The following CCDC7 variants were observed in gnomAD, a reference collection of about 807,000 sequenced individuals.
CCDC7 encodes the protein coiled-coil domain-containing protein 7.
Under a neutral mutation model 196.9 loss-of-function variants are expected in CCDC7, and 183 were observed. That is an observed-to-expected ratio of 0.93 (90% CI 0.82 to 1.05). CCDC7 has a LOEUF of 1.05. Among genes scored for constraint, CCDC7 ranks in the 50% least tolerant of loss-of-function variants. CCDC7 has a pLI of 0.00. For synonymous variants in CCDC7, 525 were observed against 484.6 expected (o/e 1.08, Z -1.10); for missense variants, 1,540 against 1,482.2 (o/e 1.04, Z -0.64).
At chr10:32,460,016 TA>T (rs2035287942) in intron 3 of CCDC7, among the ~76,000 whole-genome samples, 1 of 152,142 alleles carries the variant, frequency 6.6e-6, no homozygotes, top group African/African-American at 2.4e-5. Context: ...AGGAAAAAAC[TA>T]ATTTGATATA....
At chr10:32,628,181 T>G (rs1231551715) in intron 18 of CCDC7, among the ~76,000 whole-genome samples, 3 of 152,020 alleles carry the variant, frequency 2.0e-5, no homozygotes, top group African/African-American at 4.8e-5. Flanking sequence ...CTTACTGACT[T>G]AATCTCGTTA....
At chr10:32,491,378 T>C (rs56261239) in intron 8 of CCDC7, among the ~76,000 whole-genome samples, 6,941 of 152,280 alleles carry the variant, frequency 0.046, 217 homozygotes, top group Non-Finnish European at 0.073. Flanking sequence ...GTTCATTGAT[T>C]ATTATGGATC....
At chr10:32,777,513 C>T (rs1024715135) in intron 28 of CCDC7, among the ~76,000 whole-genome samples, 2 of 123,836 alleles carry the variant, frequency 1.6e-5, no homozygotes, top group African/African-American at 5.1e-5. Flanking sequence ...TGTACATGTC[C>T]CCTTTTCTCC....
chr10:32,843,345 G>A (rs1325739239), intron 33 of CCDC7, among the ~76,000 whole-genome samples: 1 of 151,870 alleles, frequency 6.6e-6, no homozygotes, highest in Non-Finnish European at 1.5e-5. Context: ...AAATGTTGAA[G>A]AAGGAATAAT....
At chr10:32,822,425 A>T (rs2090413270) in intron 31 of CCDC7, among the ~76,000 whole-genome samples, 1 of 152,192 alleles carries the variant, frequency 6.6e-6, no homozygotes, top group Non-Finnish European at 1.5e-5. Context: ...ACAGAGCAAG[A>T]ATAAAAATAA....
intron 18 of CCDC7, among the ~76,000 whole-genome samples, chr10:32,591,284 A>AT (rs1195610243): frequency 6.6e-6 from 1 of 151,302 alleles, no homozygotes; most frequent in Non-Finnish European, 1.5e-5. Context: ...AAACTCTCTA[A>AT]TTTTTTCTTC....
At chr10:32,618,893 A>G (rs2063072978) in intron 18 of CCDC7, among the ~76,000 whole-genome samples, 1 of 152,070 alleles carries the variant, frequency 6.6e-6, no homozygotes, top group Non-Finnish European at 1.5e-5. Context: ...TAAGTTCTAT[A>G]GCTTTATGTA....
At chr10:32,854,649 T>C (rs1044820464) in intron 41 of CCDC7, among the ~76,000 whole-genome samples, 160 bp downstream of exon 42, 1 of 152,160 alleles carries the variant, frequency 6.6e-6, no homozygotes, top group African/African-American at 2.4e-5. Context: ...CAAGTAAAAA[T>C]ATATATGTAA....
At position 32,482,426 on chromosome 10, in the gene CCDC7, T is replaced by G. The variant is rs577186252; in HGVS notation, c.796+8403T>G. Among the ~76,000 whole-genome samples the G allele has an allele frequency of 5.3e-5, 8 of 151,944 alleles. No individual in the cohort carries two copies. The South Asian group carries it at 6.2e-4, about 12-fold the overall frequency. ...TTTACAGATTCTTTCTTCTCCTTGA[T>G]GAATTATACAGTGGACATATTTTTT... On this transcript the variant is annotated intron_variant, in intron 8 of 41. Coordinates refer to ENST00000639629, the Ensembl canonical transcript of CCDC7.
intron 8 of CCDC7, among the ~76,000 whole-genome samples, chr10:32,480,485 C>G (rs1330263573): frequency 6.6e-6 from 1 of 152,064 alleles, no homozygotes. Flanking sequence ...CTGTGCCCAG[C>G]TTGAATGTAG....
chr10:32,779,168 G>A, intron 29 of CCDC7, 84 bp downstream of exon 30: 2 of 1,044,996 alleles, frequency 1.9e-6, no homozygotes, highest in Admixed American at 3.1e-5. Context: ...TTAAAAAACA[G>A]GAAATTCAAA....
At chr10:32,665,785 A>G (rs930674827) in intron 21 of CCDC7, among the ~76,000 whole-genome samples, 1 of 152,034 alleles carries the variant, frequency 6.6e-6, no homozygotes, top group Non-Finnish European at 1.5e-5. Flanking sequence ...GATTAAATTC[A>G]TAACTGATGG....
chr10:32,510,134 G>C (rs191838208), intron 9 of CCDC7, among the ~76,000 whole-genome samples: 11 of 152,220 alleles, frequency 7.2e-5, no homozygotes, highest in African/African-American at 2.4e-4. Context: ...TATCCATAAT[G>C]GATGAATGGA....
intron 11 of CCDC7, among the ~76,000 whole-genome samples, chr10:32,532,723 T>A (rs1179502715): frequency 6.6e-6 from 1 of 152,186 alleles, no homozygotes; most frequent in Non-Finnish European, 1.5e-5. Context: ...TTTATTATTA[T>A]ATAGTGACTT....
chr10:32,558,407 T>C (rs2054724179), intron 13 of CCDC7, among the ~76,000 whole-genome samples: 1 of 152,176 alleles, frequency 6.6e-6, no homozygotes, highest in Non-Finnish European at 1.5e-5. Context: ...GCATATGTAG[T>C]TCAGGGGTCA....
intron 18 of CCDC7, among the ~76,000 whole-genome samples, chr10:32,626,682 A>G (rs554104890): frequency 1.3e-5 from 2 of 152,092 alleles, no homozygotes; most frequent in East Asian, 1.9e-4. Flanking sequence ...TAATAGCTTT[A>G]TAGTTTCTGG....
At chr10:32,695,110 A>T in intron 24 of CCDC7, 118 bp downstream of exon 25, 1 of 464,222 alleles carries the variant, frequency 2.2e-6, no homozygotes, top group South Asian at 5.4e-5. Flanking sequence ...TATACTTTAC[A>T]GTGTGAATAC....
At chr10:32,615,142 A>G (rs761699633) in intron 18 of CCDC7, among the ~76,000 whole-genome samples, 6 of 152,154 alleles carry the variant, frequency 3.9e-5, no homozygotes, top group South Asian at 4.1e-4. Context: ...GGGTAAACAT[A>G]CAAGTGCAGT....
chr10:32,834,668 TTTTTACTAATTCA>T, intron 32 of CCDC7, 134 bp from the exon 34 acceptor site: 1 of 351,864 alleles, frequency 2.8e-6, no homozygotes, highest in South Asian at 3.3e-5. Context: ...TGCTTTTTTT[TTTTTACTAATTCA>T]TCTTCTTTAA....
Sources: allele counts gnomAD v4.1 joint callset (sites outside exome capture counted in the v4.1 genomes callset), GRCh38; gene constraint gnomAD v4.1.1; transcripts MANE v1.5; gene names NCBI Gene and HGNC (gene_info 2026-07-23, HGNC 2026-07-21).